The following ADAMTS12 variants were observed in gnomAD, a reference collection of about 807,000 sequenced individuals.
ADAMTS12 encodes the protein A disintegrin and metalloproteinase with thrombospondin motifs 12.
ADAMTS12 carries 118 observed loss-of-function variants against 167.8 expected under a neutral mutation model. The observed-to-expected ratio is 0.70, with a 90% CI of 0.61 to 0.82. The LOEUF is 0.82. Ranked by LOEUF, ADAMTS12 falls within the 40% of genes least tolerant of loss-of-function variation. The pLI is 0.00. For synonymous variants in ADAMTS12, 704 were observed against 716.9 expected (o/e 0.98, Z 0.29); for missense variants, 1,916 against 1,998.8 (o/e 0.96, Z 0.79).
chr5:33,615,143 C>T (rs867692939), intron 15 of ADAMTS12, among the ~76,000 whole-genome samples: 2 of 152,174 alleles, frequency 1.3e-5, no homozygotes, highest in South Asian at 4.1e-4. Context: ...TGGGGATTCC[C>T]ATGTGTTAAT....
At chr5:33,618,155 A>G (rs911571637) in intron 14 of ADAMTS12, among the ~76,000 whole-genome samples, 1 of 152,248 alleles carries the variant, frequency 6.6e-6, no homozygotes, top group Non-Finnish European at 1.5e-5. Context: ...AAAGTAAGCT[A>G]GAGAAAATAA....
chr5:33,878,577 C>T (rs1179250497), intron 2 of ADAMTS12, among the ~76,000 whole-genome samples: 1 of 152,158 alleles, frequency 6.6e-6, no homozygotes, highest in Non-Finnish European at 1.5e-5. Flanking sequence ...TTAGAAAGCA[C>T]AAGATGAAAA....
intron 12 of ADAMTS12, among the ~76,000 whole-genome samples, chr5:33,635,620 C>T (rs1250814341): frequency 6.6e-6 from 1 of 152,090 alleles, no homozygotes; most frequent in African/African-American, 2.4e-5. Context: ...GGGTAGAAAA[C>T]TCTGCTGTAT....
chr5:33,579,008 A>G (rs566799660), intron 18 of ADAMTS12, among the ~76,000 whole-genome samples: 1 of 152,204 alleles, frequency 6.6e-6, no homozygotes, highest in African/African-American at 2.4e-5. Context: ...AGTGGGGGCT[A>G]CCAACTGCAA....
chr5:33,561,252 T>C, intron 19 of ADAMTS12, 73 bp from the exon 20 acceptor site: 1 of 1,560,076 alleles, frequency 6.4e-7, no homozygotes, highest in African/African-American at 1.3e-5. Context: ...ACTGGGATCC[T>C]GGAGTCAGTT....
intron 2 of ADAMTS12, among the ~76,000 whole-genome samples, chr5:33,870,738 T>A (rs190104499): frequency 1.3e-5 from 2 of 152,166 alleles, no homozygotes; most frequent in African/African-American, 2.4e-5. Context: ...GGGGACAGAT[T>A]TCCCCCTTGC....
intron 11 of ADAMTS12, 148 bp downstream of exon 11, chr5:33,641,662 T>G: frequency 1.3e-6 from 1 of 787,782 alleles, no homozygotes; most frequent in Non-Finnish European, 1.8e-6. Context: ...CCACTCTCTG[T>G]GAATCTTCTT....
intron 2 of ADAMTS12, among the ~76,000 whole-genome samples, chr5:33,792,087 T>A (rs1746596053): frequency 6.8e-6 from 1 of 146,870 alleles, no homozygotes; most frequent in Non-Finnish European, 1.5e-5. Context: ...AACCTCTGCC[T>A]CCCAGGCTCA....
intron 2 of ADAMTS12, among the ~76,000 whole-genome samples, chr5:33,765,851 T>C (rs926407820): frequency 6.6e-6 from 1 of 152,236 alleles, no homozygotes; most frequent in Admixed American, 6.5e-5. Context: ...TTTCATAAGA[T>C]TAAAGTACAA....
chr5:33,709,237 C>G (rs1284664198), intron 3 of ADAMTS12, among the ~76,000 whole-genome samples: 3 of 152,048 alleles, frequency 2.0e-5, no homozygotes, highest in African/African-American at 2.4e-5. Flanking sequence ...AAATAGGAAC[C>G]CTTTTACACT....
intron 23 of ADAMTS12, among the ~76,000 whole-genome samples, chr5:33,532,239 T>C (rs575157436): frequency 1.5e-4 from 23 of 152,302 alleles, no homozygotes; most frequent in South Asian, 6.2e-4. Flanking sequence ...AATTTCAATG[T>C]TGTTGACAAA....
At chr5:33,824,817 G>C (rs1747997170) in intron 2 of ADAMTS12, among the ~76,000 whole-genome samples, 1 of 152,144 alleles carries the variant, frequency 6.6e-6, no homozygotes, top group Admixed American at 6.5e-5. Context: ...TTAAGGCTAG[G>C]ATGATACTTC....
intron 2 of ADAMTS12, among the ~76,000 whole-genome samples, chr5:33,773,265 T>C (rs920299438): frequency 1.3e-5 from 2 of 152,220 alleles, no homozygotes; most frequent in Admixed American, 6.5e-5. Context: ...ACTTAGGCCA[T>C]GTTCTTGATA....
At position 33,575,477 on chromosome 5, in the gene ADAMTS12, G is replaced by A. The variant is rs74913847; in HGVS notation, c.3972+577C>T. Among the ~76,000 whole-genome samples the A allele has an allele frequency of 6.8e-3, 1,029 of 152,272 alleles. 14 individuals are homozygous for A. Among genetic ancestry groups the A allele is most frequent in the African/African-American group, 0.024 (988 of 41,560 alleles). On this transcript the variant is annotated intron_variant, in intron 19 of 23. Coordinates refer to ENST00000504830, the MANE Select transcript of ADAMTS12 (RefSeq NM_030955.4). ...ATGAATTCGACATAATCACACAGCCGAATGCCCAGGCTTCCTAGCTTAGTT... is the reference window on the plus strand; with the variant it reads ...ATGAATTCGACATAATCACACAGCCAAATGCCCAGGCTTCCTAGCTTAGTT...
chr5:33,827,899 G>A (rs1748151512), intron 2 of ADAMTS12, among the ~76,000 whole-genome samples: 1 of 151,922 alleles, frequency 6.6e-6, no homozygotes, highest in African/African-American at 2.4e-5. Flanking sequence ...ATATCTAGTG[G>A]GTTCCTTCTA....
At chr5:33,833,357 A>C (rs2591722) in intron 2 of ADAMTS12, among the ~76,000 whole-genome samples, 21,887 of 152,148 alleles carry the variant, frequency 0.14, 2,886 homozygotes, top group East Asian at 0.39. Flanking sequence ...ACAGCAAGGA[A>C]ACACGAGGTC....
Position 33,525,283 on chromosome 5 carries a change from C to T in ADAMTS12, c.*1905G>A, listed in dbSNP as rs940708086. 1.3e-5 allele frequency: 2 copies of T among 152,180 alleles called. No individual in the cohort carries two copies. Among genetic ancestry groups the T allele is most frequent in the East Asian group, 1.9e-4 (1 of 5,194 alleles). 9.4% of individuals were successfully genotyped at this position (152,180 alleles called of 1,614,324 possible). ...TGTTTATGTTTAAAGGCAGAGAATA[C>T]AATAATGTAATTATCATCTAGAAAT... On this transcript the variant is annotated 3_prime_UTR_variant, in exon 24 of 24. Transcript: ENST00000504830.
intron 16 of ADAMTS12, among the ~76,000 whole-genome samples, chr5:33,613,045 G>T (rs185875190): frequency 1.3e-5 from 2 of 152,348 alleles, no homozygotes; most frequent in Admixed American, 1.3e-4. Flanking sequence ...TGCAGGTGCT[G>T]CAGAGACCTG....
At chr5:33,702,828 C>T (rs945549258) in intron 3 of ADAMTS12, among the ~76,000 whole-genome samples, 1 of 152,112 alleles carries the variant, frequency 6.6e-6, no homozygotes, top group Non-Finnish European at 1.5e-5. Flanking sequence ...GCAGAAGTAA[C>T]GCTATTTCAG....
Sources: gnomAD v4.1 joint callset for allele counts (sites outside exome capture counted in the v4.1 genomes callset) on GRCh38, gnomAD v4.1.1 for gene constraint, MANE v1.5 for transcripts, NCBI Gene and HGNC (gene_info 2026-07-23, HGNC 2026-07-21) for gene names.